Variants in SCAMP1 observed in about 807,000 individuals in gnomAD.
The protein encoded by SCAMP1 is secretory carrier membrane protein 1, also known as secretory carrier-associated membrane protein 1.
SCAMP1 carries 15 observed loss-of-function variants against 41.8 expected under a neutral mutation model. The observed-to-expected ratio is 0.36, with a 90% confidence interval of 0.24 to 0.55. The LOEUF (loss-of-function observed/expected upper bound fraction) is 0.55. Ranked by LOEUF, SCAMP1 falls within the 20% of genes least tolerant of loss-of-function variation. The pLI, the probability that SCAMP1 is intolerant of heterozygous loss-of-function variation, is 0.86. For missense variants in SCAMP1, 341 were observed against 412.6 expected, an observed-to-expected ratio of 0.83 and a Z score of 1.50; for synonymous variants, 135 against 136.8, an observed-to-expected ratio of 0.99 and a Z score of 0.09.
chr5:78,426,399 A>G (rs150672939), intron 6 of SCAMP1, among the ~76,000 whole-genome samples: 4,330 of 152,264 alleles, frequency 0.028, 222 homozygotes, highest in African/African-American at 0.097. Context: ...GAACTAATTT[A>G]CACTCCCAAC....
intron 1 of SCAMP1, among the ~76,000 whole-genome samples, chr5:78,368,852 A>T (rs959490553): frequency 3.9e-5 from 6 of 152,102 alleles, no homozygotes; most frequent in African/African-American, 1.2e-4. Flanking sequence ...TAGAAAAAGA[A>T]TCTAAGGTTA....
chr5:78,411,039 C>G (rs989229363), intron 2 of SCAMP1, among the ~76,000 whole-genome samples: 4 of 152,048 alleles, frequency 2.6e-5, no homozygotes, highest in African/African-American at 9.7e-5. Context: ...GGTTATTAGA[C>G]TTTTGTCAGA....
rs1355003050 is a variant in SCAMP1, at chr5:78,476,994, CTGTGTTT to C, written c.*1329_*1335del. ...TCAAAGACATCTGTAAGTCATGCTG[CTGTGTTT>C]TGAAAGTCTTTAACTAAATTAAGAT... On this transcript the variant is annotated 3_prime_UTR_variant, in exon 9 of 9. Transcript: ENST00000621999. 2.0e-5 allele frequency: 3 copies of C among 152,056 alleles called. No individual in the cohort carries two copies. The highest frequency in any genetic ancestry group is 4.8e-5 in the African/African-American group (2 of 41,418). The allele number at this position is 152,056 out of a possible 1,614,324, so 9.4% of individuals were successfully genotyped here.
chr5:78,434,316 T>C (rs376789650), intron 6 of SCAMP1, among the ~76,000 whole-genome samples: 135 of 152,270 alleles, frequency 8.9e-4, no homozygotes, highest in African/African-American at 3.1e-3. Flanking sequence ...TTATCTCTCT[T>C]TGAGTTATTT....
At chr5:78,426,539 G>T (rs1326841633) in intron 6 of SCAMP1, among the ~76,000 whole-genome samples, 1 of 152,152 alleles carries the variant, frequency 6.6e-6, no homozygotes, top group African/African-American at 2.4e-5. Context: ...CTAATGACCA[G>T]TGATGATGAG....
At chr5:78,389,516 A>G (rs1317883088) in intron 2 of SCAMP1, among the ~76,000 whole-genome samples, 1 of 151,918 alleles carries the variant, frequency 6.6e-6, no homozygotes, top group African/African-American at 2.4e-5. Context: ...CCATCCTCCC[A>G]CCTCAGCCTC....
Position 78,396,851 on chromosome 5 carries a change from C to T in SCAMP1, c.135+7937C>T, listed in dbSNP as rs974317199. ...GATGATAGAGCAAATAAAATTAAGA[C>T]AGAAAATTTATCATTGAATTTAACA... On this transcript the variant is annotated intron_variant, in intron 2 of 8. Coordinates refer to ENST00000621999, the MANE Select transcript of SCAMP1 (RefSeq NM_004866.6). 8.3e-4 allele frequency among the ~76,000 whole-genome samples: 126 copies of T among 152,176 alleles called. 2 individuals carry two copies. The highest frequency in any genetic ancestry group is 3.0e-3 in the African/African-American group (123 of 41,432).
At chr5:78,432,686 G>A (rs77764717) in intron 6 of SCAMP1, among the ~76,000 whole-genome samples, 1,597 of 151,960 alleles carry the variant, frequency 0.011, 36 homozygotes, top group African/African-American at 0.036. Context: ...GTTAAAGTAC[G>A]TGTGTGCAAT....
intron 2 of SCAMP1, among the ~76,000 whole-genome samples, chr5:78,404,456 T>TTTTTTTG (rs1751882376): frequency 1.4e-5 from 2 of 141,540 alleles, no homozygotes; most frequent in African/African-American, 2.8e-5. Context: ...CTTACAGGTT[T>TTTTTTTG]TTTTTTTTTT....
At position 78,362,770 on chromosome 5, in the gene SCAMP1, G is replaced by A. The variant is rs542908593; in HGVS notation, c.57+2042G>A. ...AAGTATAGTTTTATATCTATATTTT[G>A]TCTTTTTACTTCTGCTTATATTTAT... is the stretch of plus-strand genomic sequence containing the variant. On this transcript the variant is annotated intron_variant, in intron 1 of 8. Transcript: ENST00000621999. Among the ~76,000 whole-genome samples the A allele has an allele frequency of 4.6e-5, 7 of 151,700 alleles. 1 individual carries two copies. The South Asian group carries it at 1.4e-3, about 31-fold the overall frequency.
At chr5:78,386,534 T>C (rs1751345882) in intron 1 of SCAMP1, among the ~76,000 whole-genome samples, 1 of 152,052 alleles carries the variant, frequency 6.6e-6, no homozygotes. Context: ...CTTTTTTTTT[T>C]CATTGTATTG....
intron 2 of SCAMP1, among the ~76,000 whole-genome samples, chr5:78,408,948 C>A (rs1289347128): frequency 6.6e-6 from 1 of 152,078 alleles, no homozygotes; most frequent in African/African-American, 2.4e-5. Context: ...TCCCTTTTTT[C>A]CTCCCTTCTA....
At chr5:78,412,958 T>G (rs543245056) in intron 2 of SCAMP1, among the ~76,000 whole-genome samples, 3 of 152,324 alleles carry the variant, frequency 2.0e-5, no homozygotes, top group East Asian at 1.9e-4. Flanking sequence ...GGGACTATTT[T>G]GGGTACTTGG....
At chr5:78,418,661 G>A in intron 4 of SCAMP1, 114 bp from the exon 5 acceptor site, 2 of 711,476 alleles carry the variant, frequency 2.8e-6, no homozygotes, top group Non-Finnish European at 4.5e-6. Flanking sequence ...TAGTTCTACA[G>A]TTTTTCTGAA....
At chr5:78,404,974 C>T (rs1417995556) in intron 2 of SCAMP1, among the ~76,000 whole-genome samples, 1 of 152,200 alleles carries the variant, frequency 6.6e-6, no homozygotes, top group Non-Finnish European at 1.5e-5. Flanking sequence ...TTCTTAATTA[C>T]AGTTAAGGTT....
At chr5:78,411,352 A>T (rs543259972) in intron 2 of SCAMP1, among the ~76,000 whole-genome samples, 2 of 152,270 alleles carry the variant, frequency 1.3e-5, no homozygotes, top group South Asian at 4.1e-4. Context: ...TTAATAAGAG[A>T]TACTGGGTGT....
Position 78,423,008 on chromosome 5 carries a change from G to A in SCAMP1, c.632+1048G>A, listed in dbSNP as rs200878170. 1.5e-3 allele frequency among the ~76,000 whole-genome samples: 55 copies of A among 36,694 alleles called. No individual in the cohort carries two copies. In the East Asian group the frequency reaches 0.02, roughly 13 times the overall value. The allele number at this position is 36,694 out of a possible 152,430, so 24.1% of individuals were successfully genotyped here. ...TAGTTAACCAGAATGTGTAACACAC[G>A]CGCGCGCGCACACACACACACACAC... On this transcript the variant is annotated intron_variant, in intron 6 of 8. Transcript: ENST00000621999.
chr5:78,439,812 T>C (rs938887146), intron 6 of SCAMP1, among the ~76,000 whole-genome samples: 6 of 152,338 alleles, frequency 3.9e-5, no homozygotes, highest in Admixed American at 1.3e-4. Context: ...TAGAGTGTTA[T>C]ACAACTTGGT....
chr5:78,450,086 AT>A, intron 7 of SCAMP1, 52 bp downstream of exon 7: 4 of 1,040,018 alleles, frequency 3.8e-6, no homozygotes, highest in Admixed American at 2.4e-5. Flanking sequence ...TTGTAATATA[AT>A]TTTTGGCTTC....
Sources: gnomAD v4.1 joint callset for allele counts (sites outside exome capture counted in the v4.1 genomes callset) on GRCh38, gnomAD v4.1.1 for gene constraint, MANE v1.5 for transcripts, NCBI Gene and HGNC (gene_info 2026-07-23, HGNC 2026-07-21) for gene names.